SNAP91: variants seen among roughly 807,000 people sequenced by gnomAD.
SNAP91 encodes the protein clathrin coat assembly protein AP180.
Under a neutral mutation model 100.3 loss-of-function variants are expected in SNAP91, and 27 were observed. The observed-to-expected ratio is 0.27, with a 90% confidence interval of 0.20 to 0.37. SNAP91 has a LOEUF of 0.37. Ranked by LOEUF, SNAP91 falls within the 10% of genes least tolerant of loss-of-function variation. The pLI, the probability that SNAP91 is intolerant of heterozygous loss-of-function variation, is 1.00. For missense variants in SNAP91, 986 were observed against 1,123.7 expected (o/e 0.88, Z 1.75); for synonymous variants, 404 against 398.6 (o/e 1.01, Z -0.16).
intron 5 of SNAP91, among the ~76,000 whole-genome samples, 171 bp downstream of exon 5, chr6:83,661,331 A>G (rs2098539832): frequency 6.6e-6 from 1 of 152,228 alleles, no homozygotes; most frequent in South Asian, 2.1e-4. Flanking sequence ...AAAATAATGC[A>G]TATTGCAACT....
intron 2 of SNAP91, among the ~76,000 whole-genome samples, chr6:83,684,952 A>G (rs35787826): frequency 0.013 from 1,926 of 152,292 alleles, 23 homozygotes; most frequent in Non-Finnish European, 0.019. Flanking sequence ...CTAGAAGATA[A>G]CCAACAAGTA....
intron 3 of SNAP91, among the ~76,000 whole-genome samples, chr6:83,662,682 G>T (rs997860927): frequency 6.6e-6 from 1 of 151,562 alleles, no homozygotes; most frequent in Admixed American, 6.6e-5. Context: ...ACATAAAATT[G>T]GTAATTTTAA....
chr6:83,592,872 C>T (rs969781370), intron 20 of SNAP91, 74 bp downstream of exon 20: 2 of 1,106,774 alleles, frequency 1.8e-6, no homozygotes, highest in African/African-American at 1.6e-5. Context: ...GAAAAACCCA[C>T]ATGTTATATC....
intron 16 of SNAP91, 161 bp from the exon 17 acceptor site, chr6:83,594,642 T>C (rs1035092779): frequency 1.9e-6 from 1 of 539,118 alleles, no homozygotes; most frequent in Non-Finnish European, 3.2e-6. Flanking sequence ...CACAAAACAA[T>C]TATTCTTTGC....
chr6:83,580,414 C>T (rs752537407), intron 24 of SNAP91, 36 bp downstream of exon 24: 48 of 1,467,586 alleles, frequency 3.3e-5, no homozygotes, highest in Non-Finnish European at 4.1e-5. Flanking sequence ...ACATATGCTT[C>T]AGTTAAAGAA....
At chr6:83,572,991 G>A (rs976269250) in intron 26 of SNAP91, among the ~76,000 whole-genome samples, 1 of 152,172 alleles carries the variant, frequency 6.6e-6, no homozygotes, top group Non-Finnish European at 1.5e-5. Context: ...TAAGAATGGA[G>A]GGCAGCTCCC....
intron 22 of SNAP91, among the ~76,000 whole-genome samples, chr6:83,583,327 T>A (rs1831150515): frequency 6.6e-6 from 1 of 152,198 alleles, no homozygotes. Flanking sequence ...AGGAACTGTG[T>A]CTTCTTTTCA....
intron 8 of SNAP91, among the ~76,000 whole-genome samples, chr6:83,637,932 G>A (rs113675251): frequency 9.4e-4 from 143 of 152,276 alleles, no homozygotes; most frequent in African/African-American, 3.3e-3. Context: ...CTGTGCTGGG[G>A]GTGCCAGACT....
At chr6:83,628,951 A>T (rs2097092576) in intron 8 of SNAP91, among the ~76,000 whole-genome samples, 1 of 152,056 alleles carries the variant, frequency 6.6e-6, no homozygotes, top group Non-Finnish European at 1.5e-5. Context: ...GCCAATGTCT[A>T]GAAGGGTTTT....
intron 21 of SNAP91, among the ~76,000 whole-genome samples, chr6:83,591,703 C>T (rs78861250): frequency 0.043 from 6,565 of 152,094 alleles, 476 homozygotes; most frequent in African/African-American, 0.15. Flanking sequence ...ATGATTTGTA[C>T]CTACATGTCA....
At chr6:83,580,703 T>C (rs1826970114) in intron 23 of SNAP91, 104 bp from the exon 24 acceptor site, 2 of 1,086,408 alleles carry the variant, frequency 1.8e-6, no homozygotes, top group Non-Finnish European at 2.6e-6. Flanking sequence ...CAAGTGAATA[T>C]AAAATCTTAT....
At chr6:83,602,303 T>C (rs2095308388) in intron 14 of SNAP91, among the ~76,000 whole-genome samples, 1 of 152,018 alleles carries the variant, frequency 6.6e-6, no homozygotes, top group Admixed American at 6.6e-5. Flanking sequence ...GGAAAAAAAA[T>C]GCTATCATTA....
intron 11 of SNAP91, among the ~76,000 whole-genome samples, chr6:83,613,302 G>A (rs1229536981): frequency 6.6e-6 from 1 of 152,094 alleles, no homozygotes; most frequent in Middle Eastern, 3.4e-3. Context: ...TATATCCCTA[G>A]CACTTTACAT....
intron 8 of SNAP91, among the ~76,000 whole-genome samples, chr6:83,636,972 T>C (rs1183479459): frequency 6.6e-6 from 1 of 152,164 alleles, no homozygotes; most frequent in Non-Finnish European, 1.5e-5. Context: ...GCTCCTGTGG[T>C]GCATTTCAGA....
intron 2 of SNAP91, among the ~76,000 whole-genome samples, chr6:83,674,797 T>C (rs757618390): frequency 1.7e-4 from 26 of 152,158 alleles, no homozygotes; most frequent in Admixed American, 8.5e-4. Context: ...GACCTAACAA[T>C]GTGAAACAAT....
chr6:83,593,509 GGTGGCGGTGGCAGCGGAGGTGGTGGTA>G lies in SNAP91; in HGVS notation c.1638_1664del (p.Thr548_Thr556del). ...AGATATCTAGAGCAGGAGGAGCAGT[GGTGGCGGTGGCAGCGGAGGTGGTGGTA>G]GTGGTGGTGGCAGCGGCGGTGGCAG... is the stretch of plus-strand genomic sequence containing the variant. On this transcript the variant is annotated inframe_deletion, in exon 18 of 30. Transcript: ENST00000369694. 3 of 1,552,474 alleles carry G rather than the reference GGTGGCGGTGGCAGCGGAGGTGGTGGTA, an allele frequency of 1.9e-6. No individual in the cohort carries two copies. Among genetic ancestry groups the G allele is most frequent in the Non-Finnish European group, 2.6e-6 (3 of 1,147,448 alleles).
At chr6:83,633,977 C>A (rs1372370279) in intron 8 of SNAP91, among the ~76,000 whole-genome samples, 1 of 152,006 alleles carries the variant, frequency 6.6e-6, no homozygotes, top group African/African-American at 2.4e-5. Flanking sequence ...CGGAGGGATA[C>A]CACTAGGAGA....
At chr6:83,581,629 T>C (rs1828658409) in intron 23 of SNAP91, among the ~76,000 whole-genome samples, 1 of 152,198 alleles carries the variant, frequency 6.6e-6, no homozygotes, top group Admixed American at 6.5e-5. Context: ...AGCAACCAAA[T>C]TGTCAGGCAG....
intron 2 of SNAP91, among the ~76,000 whole-genome samples, chr6:83,689,086 G>T (rs1430845212): frequency 6.6e-6 from 1 of 152,126 alleles, no homozygotes; most frequent in Non-Finnish European, 1.5e-5. Context: ...TTCGCCATCA[G>T]GTGTGCCACC....
Sources: allele counts gnomAD v4.1 joint callset (sites outside exome capture counted in the v4.1 genomes callset), GRCh38; gene constraint gnomAD v4.1.1; transcripts MANE v1.5; gene names NCBI Gene and HGNC (gene_info 2026-07-23, HGNC 2026-07-21).